The following BDP1 variants were observed in gnomAD, a reference collection of about 807,000 sequenced individuals.
BDP1 encodes transcription factor TFIIIB component B'' homolog.
Under a neutral mutation model 266.6 loss-of-function variants are expected in BDP1, and 169 were observed. That is an observed-to-expected ratio of 0.63 (90% CI 0.56 to 0.72). The LOEUF is 0.72. Ranked by LOEUF, BDP1 falls within the 30% of genes least tolerant of loss-of-function variation. The pLI is 0.00. For missense variants in BDP1, 3,015 were observed against 3,053.8 expected (o/e 0.99, Z 0.30); for synonymous variants, 1,090 against 1,022.4 (o/e 1.07, Z -1.26).
intron 18 of BDP1, 117 bp from the exon 19 acceptor site, chr5:71,513,063 CAAAAA>C (rs34252624): frequency 0.014 from 5,934 of 409,412 alleles, no homozygotes; most frequent in South Asian, 0.024. Context: ...ACCCTGTCTC[CAAAAA>C]AAAAAAAAAA....
At chr5:71,486,437 C>T (rs776533226) in intron 8 of BDP1, 47 bp from the exon 9 acceptor site, 5 of 1,489,768 alleles carry the variant, frequency 3.4e-6, no homozygotes, top group East Asian at 2.5e-5. Context: ...CTAGAAGTAG[C>T]TTTTAAAAAT....
In BDP1 at chr5:71,525,663, C is replaced by G. The variant is rs1171431613; in HGVS notation, c.5772+1340C>G. 3.8e-5 allele frequency among the ~76,000 whole-genome samples: 4 copies of G among 104,622 alleles called. No homozygotes were observed. In the South Asian group the frequency reaches 1.5e-3, roughly 40 times the overall value. 68.6% of individuals were successfully genotyped at this position (104,622 alleles called of 152,430 possible). A position where few individuals can be genotyped will look rare whatever the true frequency, so the allele number is the denominator to read the frequency against. On this transcript the variant is annotated intron_variant, in intron 25 of 38. Transcript: ENST00000358731. ...CTGACCCCCCCACCTCCCTTCCGGACGGGGTGGCTGGCCGGGCGGGGGGCT... is the reference window on the plus strand; with the variant it reads ...CTGACCCCCCCACCTCCCTTCCGGAGGGGGTGGCTGGCCGGGCGGGGGGCT...
chr5:71,521,062 C>A (rs1307178625), intron 22 of BDP1, among the ~76,000 whole-genome samples: 2 of 151,566 alleles, frequency 1.3e-5, no homozygotes, highest in Non-Finnish European at 2.9e-5. Context: ...GTGGCGCATG[C>A]CTGTAATCCC....
downstream of BDP1, among the ~76,000 whole-genome samples, chr5:71,568,501 C>T (rs1011749000): frequency 1.3e-5 from 2 of 152,170 alleles, no homozygotes; most frequent in African/African-American, 4.8e-5. Flanking sequence ...TGGGGTTTCG[C>T]TTTGTTGCCC....
intron 16 of BDP1, among the ~76,000 whole-genome samples, chr5:71,505,942 CA>C (rs1764552702): frequency 6.6e-6 from 1 of 152,074 alleles, no homozygotes; most frequent in Admixed American, 6.5e-5. Context: ...CATTGGAAGA[CA>C]AAAAAATTTC....
Position 71,491,145 on chromosome 5 carries a change from C to G in BDP1, c.1640+14C>G. 6.2e-7 allele frequency: 1 copy of G among 1,612,584 alleles called. No individual in the cohort carries two copies. Among genetic ancestry groups the G allele is most frequent in the Non-Finnish European group, 8.5e-7 (1 of 1,179,098 alleles). On this transcript the variant is annotated intron_variant, in intron 11 of 38. Transcript: ENST00000358731. ...CCTTTCATTAAGGTATTTTCTGTGT[C>G]TTTTCTGGTTTTATCCACATCTGTT... is the stretch of plus-strand genomic sequence containing the variant.
intron 21 of BDP1, 94 bp downstream of exon 21, chr5:71,516,365 C>A: frequency 1.1e-6 from 1 of 904,656 alleles, no homozygotes; most frequent in Non-Finnish European, 1.7e-6. Flanking sequence ...AGGCATCTGA[C>A]ACTTATTCTA....
Position 71,502,658 on chromosome 5 carries a change from A to C in BDP1, c.2108A>C (p.Gln703Pro). ...GSQLKALRPVQVRGRLQKPKP... is the reference protein window; with the variant it reads ...GSQLKALRPVPVRGRLQKPKP... The stretch of plus-strand genomic sequence containing the variant: ...CAACTAAAGGCTTTAAGACCTGTAC[A>C]AGTGAGGGGCCGATTGCAAAAGCCA... The change falls in exon 15 of 39, where the codon CAA (glutamine) becomes CCA (proline). Residue 703 changes from glutamine (Q) to proline (P), a missense_variant. Physicochemically the swap from Gln to Pro is moderately conservative, Grantham distance 76. Around this residue, in one of 3 missense-constraint regions of BDP1, gnomAD observed 2,383 missense variants for 2,404.9 expected, o/e 0.99. Transcript: ENST00000358731. 6.2e-7 allele frequency: 1 copy of C among 1,614,136 alleles called. No individual in the cohort carries two copies. The highest frequency in any genetic ancestry group is 8.5e-7 in the Non-Finnish European group (1 of 1,180,024).
Position 71,560,230 on chromosome 5 carries a change from C to T in BDP1, c.7489C>T (p.Leu2497=). The stretch of plus-strand genomic sequence containing the variant: ...CAGAACATCGTCTTCTAAAGCCTCA[C>T]TATCCAGGTATCATGAACAAATCTT... ...DSRTSSSKAS[L]SRPGRRPLGF... The change falls in exon 37 of 39, where the codon CTA becomes TTA. Residue 2497 remains leucine (L), a synonymous_variant. Transcript: ENST00000358731. 1 of 1,613,922 alleles carries T rather than the reference C, an allele frequency of 6.2e-7. No individual in the cohort carries two copies. The highest frequency in any genetic ancestry group is 8.5e-7 in the Non-Finnish European group (1 of 1,179,940).
chr5:71,553,665 G>C (rs1743012303), intron 35 of BDP1, among the ~76,000 whole-genome samples: 1 of 152,038 alleles, frequency 6.6e-6, no homozygotes, highest in African/African-American at 2.4e-5. Flanking sequence ...TCTCTGATCA[G>C]GTTTCCTAAT....
At chr5:71,470,518 T>G in intron 7 of BDP1, 29 bp downstream of exon 7, 1 of 1,388,946 alleles carries the variant, frequency 7.2e-7, no homozygotes, top group Non-Finnish European at 1.0e-6. Context: ...ATTTGTTGAT[T>G]GGAAAGAGAC....
chr5:71,537,718 T>A, intron 26 of BDP1: 1 of 168,636 alleles, frequency 5.9e-6, no homozygotes. Flanking sequence ...GATTTATCCT[T>A]TCCTGCTGCC....
chr5:71,545,555 G>T (rs887921684), intron 32 of BDP1: 3 of 265,570 alleles, frequency 1.1e-5, no homozygotes, highest in Non-Finnish European at 7.0e-6. Flanking sequence ...GGTCTTGAAC[G>T]CCTGGCTTCA....
At chr5:71,551,981 G>C (rs1742812908) in intron 34 of BDP1, among the ~76,000 whole-genome samples, 1 of 150,360 alleles carries the variant, frequency 6.7e-6, no homozygotes, top group African/African-American at 2.4e-5. Flanking sequence ...CCCGGACGGG[G>C]CGGCTGGCCT....
At chr5:71,572,272 T>C (rs1308727947), downstream of BDP1, among the ~76,000 whole-genome samples, 2 of 152,210 alleles carry the variant, frequency 1.3e-5, no homozygotes, top group Admixed American at 1.3e-4. Flanking sequence ...CATATTCTTT[T>C]GTCTCTTGTC....
chr5:71,469,659 G>A (rs765697442), intron 6 of BDP1, among the ~76,000 whole-genome samples: 1 of 151,910 alleles, frequency 6.6e-6, no homozygotes, highest in Non-Finnish European at 1.5e-5. Flanking sequence ...TTTCGCCCAG[G>A]CTGGAGTGCA....
rs376282264 is a variant in BDP1, at chr5:71,510,838, A to G, written c.3746A>G (p.Glu1249Gly). 2.5e-6 allele frequency: 4 copies of G among 1,613,312 alleles called. No homozygotes were observed. The highest frequency in any genetic ancestry group is 3.4e-6 in the Non-Finnish European group (4 of 1,179,766). ...KVLAEFSAIREKEIDLKETGK... is the reference protein window; with the variant it reads ...KVLAEFSAIRGKEIDLKETGK... ...CTAGCAGAGTTCAGTGCTATAAGGG[A>G]AAAGGAGATTGATTTGAAAGAAACT... Residue 1249 changes from glutamate (E) to glycine (G), a missense_variant, in exon 17 of 39, where the codon GAA becomes GGA. By Grantham distance (98) the Glu-to-Gly change is moderately conservative (BLOSUM62 -2). Coordinates refer to ENST00000358731, the MANE Select transcript of BDP1 (RefSeq NM_018429.3).
intron 7 of BDP1, among the ~76,000 whole-genome samples, chr5:71,478,174 C>T (rs1334231828): frequency 1.3e-4 from 19 of 151,972 alleles, no homozygotes; most frequent in South Asian, 4.2e-4. Flanking sequence ...CGCTTGAACC[C>T]GGGAGGTGGA....
Position 71,522,179 on chromosome 5 carries a change from T to C in BDP1, c.4992-110T>C, listed in dbSNP as rs1387974506. The C allele has an allele frequency of 8.8e-6, 7 of 793,356 alleles. No individual in the cohort carries two copies. In the East Asian group the frequency reaches 1.2e-4, roughly 14 times the overall value. The allele number at this position is 793,356 out of a possible 1,614,324, so 49.1% of individuals were successfully genotyped here. ...GATTTTATTGCCAATTTATATATAGTCCTTTGAACATAGAATTGATTTGTA... is the reference window on the plus strand; with the variant it reads ...GATTTTATTGCCAATTTATATATAGCCCTTTGAACATAGAATTGATTTGTA... On this transcript the variant is annotated intron_variant, in intron 22 of 38. Transcript: ENST00000358731.
Sources: allele counts gnomAD v4.1 joint callset (sites outside exome capture counted in the v4.1 genomes callset), GRCh38; gene constraint gnomAD v4.1.1; regional missense constraint gnomAD v4.1.1; transcripts MANE v1.5; gene names NCBI Gene and HGNC (gene_info 2026-07-23, HGNC 2026-07-21).